Variants in KIZ observed in about 807,000 individuals in gnomAD.
KIZ encodes centrosomal protein kizuna.
KIZ carries 68 observed loss-of-function variants against 79.6 expected under a neutral mutation model. The ratio of observed to expected loss-of-function variants is 0.85; its 90% CI spans 0.70 to 1.05. The LOEUF is 1.05. Ranked by LOEUF, KIZ falls within the 50% of genes least tolerant of loss-of-function variation. KIZ has a pLI of 0.00. For missense variants in KIZ, 797 were observed against 800.4 expected (o/e 1.00, Z 0.05); for synonymous variants, 280 against 281.8 (o/e 0.99, Z 0.06).
intron 6 of KIZ, among the ~76,000 whole-genome samples, chr20:21,193,760 AAAC>A (rs1056655069): frequency 6.6e-6 from 1 of 150,470 alleles, no homozygotes; most frequent in African/African-American, 2.4e-5. Flanking sequence ...CAAGGACAAA[AAAC>A]CAAACACCGC....
rs1282398978 is a variant in KIZ at position 21,159,017 on chromosome 20, TA to T, written c.406-2853del. On this transcript the variant is annotated intron_variant, in intron 4 of 12. Transcript: ENST00000619189. Reference sequence around the variant, plus strand: ...ATTTATTTATTATTACTATTATTATTATTTTTTTTTATGGAGTTTTGCTCTT... The same window carrying T: ...ATTTATTTATTATTACTATTATTATTTTTTTTTTTATGGAGTTTTGCTCTT... 4.0e-3 allele frequency among the ~76,000 whole-genome samples: 370 copies of T among 91,810 alleles called. 1 individual carries two copies. The highest frequency in any genetic ancestry group is 9.2e-3 in the African/African-American group (316 of 34,170). 60.2% of individuals were successfully genotyped at this position (91,810 alleles called of 152,430 possible). A position where few individuals can be genotyped will look rare whatever the true frequency, so the allele number is the denominator to read the frequency against.
intron 11 of KIZ, among the ~76,000 whole-genome samples, chr20:21,241,942 C>A (rs1303618109): frequency 6.6e-6 from 1 of 151,906 alleles, no homozygotes; most frequent in African/African-American, 2.4e-5. Context: ...TTCTGAAGTG[C>A]AATATTGAAT....
intron 1 of KIZ, among the ~76,000 whole-genome samples, chr20:21,128,086 C>T (rs1433522899): frequency 6.6e-6 from 1 of 152,170 alleles, no homozygotes; most frequent in African/African-American, 2.4e-5. Context: ...GATCTCAGCT[C>T]ACTGCAACCC....
At position 21,147,996 on chromosome 20, in the gene KIZ, G is replaced by GTGTGTGT. The variant is rs2032936271; in HGVS notation, c.405+2342_405+2343insTGTGTGT. On this transcript the variant is annotated intron_variant, in intron 4 of 12. Transcript: ENST00000619189. Reference sequence around the variant, plus strand: ...GTGTGTGTGTGTGTGTGTGTGTGTGGCAGCAGATGAAGGAAGGACTTGTGA... The same window carrying GTGTGTGT: ...GTGTGTGTGTGTGTGTGTGTGTGTGGTGTGTGTCAGCAGATGAAGGAAGGACTTGTGA... 5.9e-5 allele frequency among the ~76,000 whole-genome samples: 3 copies of GTGTGTGT among 51,166 alleles called. No individual in the cohort carries two copies. The East Asian group carries it at 1.3e-3, about 21-fold the overall frequency. 33.6% of individuals were successfully genotyped at this position (51,166 alleles called of 152,430 possible). A position where few individuals can be genotyped will look rare whatever the true frequency, so the allele number is the denominator to read the frequency against.
chr20:21,240,604 G>A (rs564520465), intron 11 of KIZ, among the ~76,000 whole-genome samples: 3 of 152,246 alleles, frequency 2.0e-5, no homozygotes, highest in African/African-American at 4.8e-5. Context: ...GCCATGGTGC[G>A]GGGGAAAGGC....
chr20:21,229,686 C>G (rs1418760688), intron 10 of KIZ, among the ~76,000 whole-genome samples: 1 of 152,056 alleles, frequency 6.6e-6, no homozygotes, highest in Non-Finnish European at 1.5e-5. Context: ...GCAATCTTCC[C>G]TCCTCAGCCT....
In KIZ at chr20:21,214,543, A is replaced by T. The variant is rs369124876; in HGVS notation, c.1455A>T (p.Ala485=). ...HDNSVKEEAT[A]LLRKALTEEC... is the part of the protein sequence containing the mutation. ...TTTTTGAAACACTGTAGGCAACAGC[A>T]TTATTGAGAAAAGCCCTTACAGAAG... The change falls in exon 8 of 13, where the codon GCA becomes GCT. Residue 485 remains alanine, a synonymous_variant. Transcript: ENST00000619189. The T allele has an allele frequency of 4.9e-5, 79 of 1,612,934 alleles. No individual in the cohort carries two copies. The highest frequency in any genetic ancestry group is 1.9e-4 in the South Asian group (17 of 90,980).
intron 3 of KIZ, among the ~76,000 whole-genome samples, chr20:21,142,614 G>T (rs972003393): frequency 6.6e-6 from 1 of 151,866 alleles, no homozygotes; most frequent in African/African-American, 2.4e-5. Flanking sequence ...AACATGATGA[G>T]AACCTGTCTC....
At chr20:21,143,653 A>G (rs1352268084) in intron 3 of KIZ, among the ~76,000 whole-genome samples, 1 of 152,204 alleles carries the variant, frequency 6.6e-6, no homozygotes. Context: ...GACAGACAGA[A>G]CAAGTTACCT....
At chr20:21,156,455 T>C (rs142642062) in intron 4 of KIZ, among the ~76,000 whole-genome samples, 87 of 152,328 alleles carry the variant, frequency 5.7e-4, no homozygotes, top group African/African-American at 1.9e-3. Context: ...AACATTGTAG[T>C]GTAATGCATT....
intron 6 of KIZ, among the ~76,000 whole-genome samples, chr20:21,173,922 C>T (rs1232813717): frequency 6.6e-6 from 1 of 152,108 alleles, no homozygotes; most frequent in African/African-American, 2.4e-5. Context: ...AAGAAGAACA[C>T]TAGAGAGTGA....
intron 6 of KIZ, among the ~76,000 whole-genome samples, chr20:21,181,606 G>A (rs1203491999): frequency 1.3e-5 from 2 of 151,910 alleles, no homozygotes; most frequent in African/African-American, 4.8e-5. Flanking sequence ...TCACAGGCAT[G>A]CGCCACCATG....
At chr20:21,135,718 C>T (rs1019069957) in intron 2 of KIZ, among the ~76,000 whole-genome samples, 5 of 152,170 alleles carry the variant, frequency 3.3e-5, no homozygotes, top group Non-Finnish European at 1.5e-5. Flanking sequence ...AAGTCGACTA[C>T]ACAACTTGAA....
intron 6 of KIZ, chr20:21,193,944 G>A (rs902093031): frequency 2.6e-5 from 4 of 151,560 alleles, no homozygotes; most frequent in Non-Finnish European, 1.5e-5. Flanking sequence ...AGCATGGCAC[G>A]TGTACACATA....
intron 6 of KIZ, among the ~76,000 whole-genome samples, chr20:21,191,341 G>C (rs563437942): frequency 2.6e-5 from 4 of 152,342 alleles, no homozygotes; most frequent in African/African-American, 9.6e-5. Flanking sequence ...GACATGCCAG[G>C]CAGAAGGAAA....
At chr20:21,146,534 A>G (rs1236002382) in intron 4 of KIZ, among the ~76,000 whole-genome samples, 2 of 152,224 alleles carry the variant, frequency 1.3e-5, no homozygotes, top group Admixed American at 1.3e-4. Context: ...CTACTTTACT[A>G]AAAGACTTTC....
intron 4 of KIZ, among the ~76,000 whole-genome samples, chr20:21,159,296 A>C (rs1186855726): frequency 6.6e-6 from 1 of 152,118 alleles, no homozygotes; most frequent in Admixed American, 6.5e-5. Context: ...AACTCTTCCT[A>C]ATCTCAGATT....
intron 4 of KIZ, among the ~76,000 whole-genome samples, chr20:21,147,961 T>TTTGTGTGTG (rs1555874720): frequency 7.1e-6 from 1 of 141,036 alleles, no homozygotes; most frequent in Non-Finnish European, 1.5e-5. Flanking sequence ...CTCCTGGAAT[T>TTTGTGTGTG]TGTGTGTGTG....
chr20:21,182,694 G>A (rs1327118101), intron 6 of KIZ, among the ~76,000 whole-genome samples: 1 of 151,592 alleles, frequency 6.6e-6, no homozygotes, highest in East Asian at 1.9e-4. Context: ...CTACTCGGGA[G>A]GCTGAGGCAT....
Sources: gnomAD v4.1 joint callset for allele counts (sites outside exome capture counted in the v4.1 genomes callset) on GRCh38, gnomAD v4.1.1 for gene constraint, MANE v1.5 for transcripts, NCBI Gene and HGNC (gene_info 2026-07-23, HGNC 2026-07-21) for gene names.